Variants in AKAP6 observed in about 807,000 individuals in gnomAD.
AKAP6 encodes A-kinase anchor protein 6.
A neutral mutation model predicts 188.5 loss-of-function variants in AKAP6; 58 were observed. That is an observed-to-expected ratio of 0.31 (90% CI 0.25 to 0.38). The LOEUF (loss-of-function observed/expected upper bound fraction) is 0.38. AKAP6 is among the 10% of genes least tolerant of loss of function. AKAP6 has a pLI of 1.00. For synonymous variants in AKAP6, 989 were observed against 998.6 expected (o/e 0.99, Z 0.18); for missense variants, 2,710 against 2,740.0 (o/e 0.99, Z 0.24).
At chr14:32,712,543 C>T (rs547233470) in intron 9 of AKAP6, among the ~76,000 whole-genome samples, 2 of 152,208 alleles carry the variant, frequency 1.3e-5, no homozygotes, top group South Asian at 2.1e-4. Flanking sequence ...AACCCTGCCG[C>T]TGCTTTATCA....
In AKAP6 at chr14:32,545,889, G is replaced by A. The variant is rs973186374; in HGVS notation, c.1236G>A (p.Arg412=). The change falls in exon 4 of 14, where the codon AGG becomes AGA. Residue 412 remains arginine, a synonymous_variant. Coordinates refer to ENST00000280979, the MANE Select transcript of AKAP6 (RefSeq NM_004274.5). ...KNDLKGNGGK[R]QMVDLKPEMS... is the part of the protein sequence containing the mutation. ...ATCTGAAAGGCAATGGTGGAAAGAG[G>A]CAAATGGTTGATCTAAAGCCTGAGA... 6.8e-6 allele frequency: 11 copies of A among 1,614,056 alleles called. No individual in the cohort carries two copies. In the Admixed American group the frequency reaches 1.5e-4, roughly 22 times the overall value.
rs140692857 is a variant in AKAP6 at position 32,751,217 on chromosome 14, G to A, written c.3372+15335G>A. ...AATGTATTTTTAGTACTGGCTATTG[G>A]ATCATCTTCTAATAATTTTCACAGG... On this transcript the variant is annotated intron_variant, in intron 11 of 13. Coordinates refer to ENST00000280979, the MANE Select transcript of AKAP6 (RefSeq NM_004274.5). 4.8e-3 allele frequency among the ~76,000 whole-genome samples: 729 copies of A among 151,878 alleles called. 5 individuals are homozygous for A. The highest frequency in any genetic ancestry group is 0.017 in the African/African-American group (699 of 41,400).
chr14:32,560,380 G>A (rs1480318622), intron 4 of AKAP6, among the ~76,000 whole-genome samples: 2 of 152,086 alleles, frequency 1.3e-5, no homozygotes, highest in East Asian at 1.9e-4. Flanking sequence ...CATTAGGAAT[G>A]TTTCAGTCCT....
chr14:32,568,899 T>C lies in AKAP6; in HGVS notation c.2347-8221T>C, dbSNP rs1884330888. On this transcript the variant is annotated intron_variant, in intron 4 of 13. Transcript: ENST00000280979. This position sits in a 1 kb window ranked among gnomAD's most constrained non-coding sequence, Gnocchi z 6.2. ...TATTTGTACCTATTTTTATTAGACT[T>C]TGATGATATGCATTCCAATCTTGTT... Among the ~76,000 whole-genome samples the C allele has an allele frequency of 6.6e-6, 1 of 152,208 alleles. No homozygotes were observed. The highest frequency in any genetic ancestry group is 2.4e-5 in the African/African-American group (1 of 41,462).
intron 6 of AKAP6, 103 bp downstream of exon 6, chr14:32,599,609 T>C: frequency 1.2e-6 from 1 of 800,146 alleles, no homozygotes; most frequent in Non-Finnish European, 2.0e-6. Context: ...TTATGTATTA[T>C]TAATATTTAC....
intron 2 of AKAP6, among the ~76,000 whole-genome samples, chr14:32,464,697 G>A (rs1457773294): frequency 6.6e-6 from 1 of 152,178 alleles, no homozygotes; most frequent in Non-Finnish European, 1.5e-5. Flanking sequence ...AGACAAGGAT[G>A]CCCTTTCTCA....
intron 2 of AKAP6, among the ~76,000 whole-genome samples, chr14:32,452,253 C>A (rs1453961300): frequency 6.6e-6 from 1 of 151,962 alleles, no homozygotes; most frequent in South Asian, 2.1e-4. Flanking sequence ...AGGCTGGTCT[C>A]AAACTCCTGA....
At chr14:32,653,587 A>C (rs1888320061) in intron 7 of AKAP6, among the ~76,000 whole-genome samples, 1 of 152,134 alleles carries the variant, frequency 6.6e-6, no homozygotes, top group African/African-American at 2.4e-5. Flanking sequence ...AAGCCTGCAG[A>C]ACCATGAGCC....
chr14:32,550,950 GC>G (rs1311171671), intron 4 of AKAP6, among the ~76,000 whole-genome samples: 1 of 152,108 alleles, frequency 6.6e-6, no homozygotes, highest in East Asian at 1.9e-4. Flanking sequence ...CAATAGAGTA[GC>G]CAGAGTGATC....
chr14:32,498,607 T>G (rs2138973783), intron 2 of AKAP6, among the ~76,000 whole-genome samples: 1 of 152,252 alleles, frequency 6.6e-6, no homozygotes, highest in Non-Finnish European at 1.5e-5. Context: ...TTTGTTTGCT[T>G]TTTTTAATTG....
chr14:32,600,466 C>G lies in AKAP6; in HGVS notation c.2567-163C>G, dbSNP rs183486898. On this transcript the variant is annotated intron_variant, in intron 6 of 13. Transcript: ENST00000280979. ...CCTTATACCTCATGTTAAGAATTGCCTGTCTCTATTCTGAGTGACAAATGC... is the reference window on the plus strand; with the variant it reads ...CCTTATACCTCATGTTAAGAATTGCGTGTCTCTATTCTGAGTGACAAATGC... 2.0e-5 allele frequency among the ~76,000 whole-genome samples: 3 copies of G among 152,238 alleles called. No individual in the cohort carries two copies. In the East Asian group the frequency reaches 5.8e-4, roughly 29 times the overall value.
chr14:32,408,644 C>T (rs1342028553), intron 1 of AKAP6, among the ~76,000 whole-genome samples: 2 of 151,888 alleles, frequency 1.3e-5, no homozygotes, highest in Admixed American at 6.6e-5. Flanking sequence ...TTGAGTGTGA[C>T]CTGACCTTAG....
In AKAP6 at chr14:32,363,926, G is replaced by A. The variant is rs372025695; in HGVS notation, c.-35+34518G>A. 4.3e-4 allele frequency among the ~76,000 whole-genome samples: 65 copies of A among 152,350 alleles called. 4 individuals carry two copies. In the East Asian group the frequency reaches 0.011, roughly 26 times the overall value. ...GAGAGCAGTGGGCGTTCATTCCATG[G>A]TGAGGGAGTAACATTTGCCTAGGCA... On this transcript the variant is annotated intron_variant, in intron 1 of 13. Coordinates refer to ENST00000280979, the MANE Select transcript of AKAP6 (RefSeq NM_004274.5).
intron 4 of AKAP6, among the ~76,000 whole-genome samples, chr14:32,558,586 T>A (rs561517530): frequency 6.6e-6 from 1 of 152,246 alleles, no homozygotes; most frequent in East Asian, 1.9e-4. Context: ...CAAGGTATGT[T>A]TGGGTGATAG....
At chr14:32,791,634 A>C (rs1048347507) in intron 12 of AKAP6, among the ~76,000 whole-genome samples, 1 of 152,096 alleles carries the variant, frequency 6.6e-6, no homozygotes, top group Non-Finnish European at 1.5e-5. Flanking sequence ...ATTAGACCCC[A>C]TATGTCAATT....
intron 2 of AKAP6, among the ~76,000 whole-genome samples, chr14:32,506,527 C>T (rs994156218): frequency 6.6e-6 from 1 of 152,116 alleles, no homozygotes; most frequent in Non-Finnish European, 1.5e-5. Flanking sequence ...TCAGTTTCTA[C>T]ATCACGACAG....
Position 32,568,699 on chromosome 14 carries a change from T to G in AKAP6, c.2347-8421T>G, listed in dbSNP as rs10138944. Among the ~76,000 whole-genome samples, 1 of 152,046 alleles carries G rather than the reference T, an allele frequency of 6.6e-6. No homozygotes were observed. The highest frequency in any genetic ancestry group is 2.4e-5 in the African/African-American group (1 of 41,356). ...GTCCCCAGCTTCATACCTGACAATG[T>G]TGGGAGCTTGTAAAGTGTTTGATCT... On this transcript the variant is annotated intron_variant, in intron 4 of 13. Coordinates refer to ENST00000280979, the MANE Select transcript of AKAP6 (RefSeq NM_004274.5). The surrounding 1 kb of genome is among the most constrained non-coding windows in gnomAD (Gnocchi z 6.2).
chr14:32,599,319 G>T, intron 5 of AKAP6, 91 bp from the exon 6 acceptor site: 1 of 1,043,894 alleles, frequency 9.6e-7, no homozygotes, highest in South Asian at 1.5e-5. Flanking sequence ...TGGGCTGTGT[G>T]GTTCTTGATA....
chr14:32,560,108 A>G (rs922919471), intron 4 of AKAP6, among the ~76,000 whole-genome samples: 6 of 152,168 alleles, frequency 3.9e-5, no homozygotes, highest in African/African-American at 1.4e-4. Context: ...CAAGGCATAC[A>G]TAAACTTAAG....
Sources: allele counts gnomAD v4.1 joint callset (sites outside exome capture counted in the v4.1 genomes callset), GRCh38; gene constraint gnomAD v4.1.1; non-coding constraint Gnocchi (gnomAD v3.1); transcripts MANE v1.5; gene names NCBI Gene and HGNC (gene_info 2026-07-23, HGNC 2026-07-21).